The following MERTK variants were observed in gnomAD, a reference collection of about 807,000 sequenced individuals.
The protein encoded by MERTK is tyrosine-protein kinase Mer.
Under a neutral mutation model 99.3 loss-of-function variants are expected in MERTK, and 69 were observed. The ratio of observed to expected loss-of-function variants is 0.70; its 90% confidence interval spans 0.57 to 0.85. The LOEUF (loss-of-function observed/expected upper bound fraction) is 0.85. MERTK is among the 40% of genes least tolerant of loss of function. The pLI is 0.00. For missense variants in MERTK, 1,125 were observed against 1,249.4 expected (o/e 0.90, Z 1.50); for synonymous variants, 426 against 467.6 (o/e 0.91, Z 1.15).
intron 17 of MERTK, 50 bp downstream of exon 17, chr2:112,021,631 A>G (rs778127681): frequency 5.9e-6 from 9 of 1,535,354 alleles, no homozygotes; most frequent in African/African-American, 4.1e-5. Context: ...AGAGGAGGGC[A>G]TATTGAAAGA....
chr2:112,012,936 T>C (rs1450926511), intron 15 of MERTK, among the ~76,000 whole-genome samples: 1 of 152,126 alleles, frequency 6.6e-6, no homozygotes, highest in African/African-American at 2.4e-5. Flanking sequence ...CAATTTAGGG[T>C]CAGCACATGC....
intron 8 of MERTK, among the ~76,000 whole-genome samples, chr2:111,989,317 G>T (rs1448749750): frequency 1.3e-5 from 2 of 151,598 alleles, no homozygotes; most frequent in African/African-American, 4.9e-5. Context: ...TATAGAACAG[G>T]CCAGAGTCTT....
chr2:112,029,398 G>T lies in MERTK; in HGVS notation c.*534G>T. The T allele has an allele frequency of 1.1e-6, 1 of 915,092 alleles. No individual in the cohort carries two copies. The highest frequency in any genetic ancestry group is 1.3e-6 in the Non-Finnish European group (1 of 765,702). The allele number at this position is 915,092 out of a possible 1,614,324, so 56.7% of individuals were successfully genotyped here. Reference sequence around the variant, plus strand: ...TGTTGAACTTACTTGAGACTTGAAAGACAGTGGTCGGCAGCGGCCTTGTGG... The same window carrying T: ...TGTTGAACTTACTTGAGACTTGAAATACAGTGGTCGGCAGCGGCCTTGTGG... On this transcript the variant is annotated 3_prime_UTR_variant, in exon 19 of 19. Coordinates refer to ENST00000295408, the MANE Select transcript of MERTK (RefSeq NM_006343.3).
chr2:111,966,487 TGA>T (rs1419284129), intron 5 of MERTK, among the ~76,000 whole-genome samples: 3 of 152,336 alleles, frequency 2.0e-5, no homozygotes, highest in Middle Eastern at 3.4e-3. Flanking sequence ...TGAGTGTGTG[TGA>T]GTTTGTAAAG....
intron 1 of MERTK, among the ~76,000 whole-genome samples, chr2:111,902,286 T>G (rs1478564270): frequency 1.3e-5 from 2 of 151,746 alleles, no homozygotes; most frequent in African/African-American, 2.4e-5. Flanking sequence ...AGGTTCAATC[T>G]TTTTATGCCT....
intron 1 of MERTK, among the ~76,000 whole-genome samples, chr2:111,919,593 G>A (rs943966965): frequency 4.6e-5 from 7 of 151,930 alleles, no homozygotes; most frequent in Admixed American, 3.9e-4. Context: ...ATTGCAGTCT[G>A]TTTGGGAAGC....
At chr2:111,983,102 G>A in intron 8 of MERTK, 109 bp downstream of exon 8, 1 of 1,269,724 alleles carries the variant, frequency 7.9e-7, no homozygotes. Flanking sequence ...GTGTGATTGA[G>A]TTAGGCAAGG....
chr2:112,017,327 G>A (rs1677238465), intron 15 of MERTK, among the ~76,000 whole-genome samples: 1 of 152,122 alleles, frequency 6.6e-6, no homozygotes, highest in Non-Finnish European at 1.5e-5. Flanking sequence ...TAGACACGGA[G>A]CACTGATTGG....
intron 4 of MERTK, 47 bp downstream of exon 4, chr2:111,947,614 A>C: frequency 6.2e-7 from 1 of 1,608,990 alleles, no homozygotes; most frequent in Non-Finnish European, 8.5e-7. Context: ...AATAGCGGAC[A>C]GGATCAAAAG....
intron 10 of MERTK, among the ~76,000 whole-genome samples, chr2:111,997,704 G>A (rs1676780276): frequency 6.6e-6 from 1 of 152,192 alleles, no homozygotes; most frequent in Admixed American, 6.5e-5. Flanking sequence ...AAGAGTATCA[G>A]TAGGCCTTTG....
At chr2:111,935,789 A>G (rs1280901123) in intron 2 of MERTK, among the ~76,000 whole-genome samples, 1 of 151,870 alleles carries the variant, frequency 6.6e-6, no homozygotes, top group Non-Finnish European at 1.5e-5. Context: ...TCTGAGAAAA[A>G]TTTTCCAATT....
intron 18 of MERTK, among the ~76,000 whole-genome samples, chr2:112,023,003 C>T (rs913474151): frequency 6.6e-6 from 1 of 152,088 alleles, no homozygotes; most frequent in African/African-American, 2.4e-5. Flanking sequence ...TGGGGCTGGG[C>T]GCAGTGGCTC....
intron 18 of MERTK, among the ~76,000 whole-genome samples, chr2:112,023,885 AC>A (rs1677410647): frequency 6.7e-6 from 1 of 150,208 alleles, no homozygotes; most frequent in South Asian, 2.1e-4. Context: ...CACCCTCCCT[AC>A]ACACACACAC....
rs1248406600 is a variant in MERTK at position 112,029,065 on chromosome 2, T to G, written c.*201T>G. 2.3e-6 allele frequency: 3 copies of G among 1,306,914 alleles called. No individual in the cohort carries two copies. The African/African-American group carries it at 4.5e-5, about 19-fold the overall frequency. The allele number at this position is 1,306,914 out of a possible 1,614,324, so 81.0% of individuals were successfully genotyped here. A position where few individuals can be genotyped will look rare whatever the true frequency, so the allele number is the denominator to read the frequency against. ...TTTAAAGAGAAAAAATATGTGTATATCATGGAAAAAGACAAGGATATTTTA... is the reference window on the plus strand; with the variant it reads ...TTTAAAGAGAAAAAATATGTGTATAGCATGGAAAAAGACAAGGATATTTTA... On this transcript the variant is annotated 3_prime_UTR_variant, in exon 19 of 19. Coordinates refer to ENST00000295408, the MANE Select transcript of MERTK (RefSeq NM_006343.3).
intron 4 of MERTK, among the ~76,000 whole-genome samples, chr2:111,957,460 T>TG (rs1685170791): frequency 3.9e-5 from 6 of 152,076 alleles, no homozygotes; most frequent in Non-Finnish European, 8.8e-5. Context: ...GAACCACCTC[T>TG]GATACCCCCC....
At chr2:111,946,654 C>T (rs183445316) in intron 3 of MERTK, among the ~76,000 whole-genome samples, 3 of 152,320 alleles carry the variant, frequency 2.0e-5, no homozygotes, top group Admixed American at 2.0e-4. Context: ...ATCTGAAAGT[C>T]ACACACATAA....
intron 1 of MERTK, among the ~76,000 whole-genome samples, chr2:111,927,805 G>A (rs966949575): frequency 6.6e-6 from 1 of 152,218 alleles, no homozygotes; most frequent in African/African-American, 2.4e-5. Context: ...GAGCCCAGGA[G>A]GGCATGATGT....
At chr2:111,926,809 C>T (rs1473695608) in intron 1 of MERTK, among the ~76,000 whole-genome samples, 1 of 152,200 alleles carries the variant, frequency 6.6e-6, no homozygotes, top group African/African-American at 2.4e-5. Context: ...GACAAACAGC[C>T]AGAACATGCA....
In MERTK at chr2:112,006,441, A is replaced by G. The variant is rs571537150; in HGVS notation, c.1868-1942A>G. On this transcript the variant is annotated intron_variant, in intron 13 of 18. Transcript: ENST00000295408. ...AATACTCACTGGAGCTGAACCAAGC[A>G]CTGAGCCATATTCTGCACTGTTCCT... is the stretch of plus-strand genomic sequence containing the variant. 9.9e-5 allele frequency among the ~76,000 whole-genome samples: 15 copies of G among 152,240 alleles called. No individual in the cohort carries two copies. In the South Asian group the frequency reaches 1.5e-3, roughly 15 times the overall value.
Sources: allele counts gnomAD v4.1 joint callset (sites outside exome capture counted in the v4.1 genomes callset), GRCh38; gene constraint gnomAD v4.1.1; transcripts MANE v1.5; gene names NCBI Gene and HGNC (gene_info 2026-07-23, HGNC 2026-07-21).